The following NDUFAF7 variants were observed in gnomAD, a reference collection of about 807,000 sequenced individuals.
NDUFAF7 encodes protein arginine methyltransferase NDUFAF7, mitochondrial.
In NDUFAF7, 48 loss-of-function variants were observed where a neutral mutation model predicts 47.2. The observed-to-expected ratio is 1.02, with a 90% CI of 0.81 to 1.29. The LOEUF (loss-of-function observed/expected upper bound fraction) is 1.29, where lower values mean the gene tolerates loss of function less well. Ranked by LOEUF, NDUFAF7 falls within the 50% of genes most tolerant of loss-of-function variation. NDUFAF7 has a pLI of 0.00. For synonymous variants in NDUFAF7, 217 were observed against 190.0 expected, an observed-to-expected ratio of 1.14 and a Z score of -1.17; for missense variants, 635 against 537.6, an observed-to-expected ratio of 1.18 and a Z score of -1.79.
chr2:37,232,058 G>C, intron 1 of NDUFAF7, 48 bp from the exon 2 acceptor site: 1 of 1,613,988 alleles, frequency 6.2e-7, no homozygotes, highest in South Asian at 1.1e-5. Flanking sequence ...TTGCGCTCGT[G>C]AATGGTCAGA....
At chr2:37,246,028 CT>C in intron 7 of NDUFAF7, 23 bp from the exon 8 acceptor site, 3 of 1,612,758 alleles carry the variant, frequency 1.9e-6, no homozygotes, top group Non-Finnish European at 2.5e-6. Flanking sequence ...TGCATTTTGA[CT>C]CTTGCAATGA....
At chr2:37,246,852 C>G (rs1666971269) in intron 8 of NDUFAF7, among the ~76,000 whole-genome samples, 2 of 152,086 alleles carry the variant, frequency 1.3e-5, no homozygotes, top group Admixed American at 6.6e-5. Flanking sequence ...TGGTTAGGGT[C>G]AGTAATATAT....
chr2:37,246,961 A>C (rs1666988308), intron 8 of NDUFAF7, among the ~76,000 whole-genome samples: 1 of 151,866 alleles, frequency 6.6e-6, no homozygotes, highest in African/African-American at 2.4e-5. Flanking sequence ...TATTGCATTG[A>C]CTCTGAGGTT....
downstream of NDUFAF7, among the ~76,000 whole-genome samples, chr2:37,249,854 T>C (rs1184024101): frequency 1.3e-5 from 2 of 152,076 alleles, no homozygotes; most frequent in African/African-American, 2.4e-5. Context: ...CCTTGATGTC[T>C]TGAATTTACG....
At chr2:37,259,710 T>C in the NDUFAF7 span, 2 of 1,511,164 alleles carry the variant, frequency 1.3e-6, no homozygotes, top group Admixed American at 1.7e-5. Flanking sequence ...TTCTTTTCAA[T>C]GTCTGGAAAA....
downstream of NDUFAF7, chr2:37,253,255 A>G (rs779222232): frequency 6.8e-6 from 11 of 1,612,710 alleles, no homozygotes; most frequent in Non-Finnish European, 9.3e-6. Context: ...GTGTGTATGC[A>G]TGTATTTCCC....
the NDUFAF7 span, chr2:37,260,155 CTCT>C: frequency 7.1e-7 from 1 of 1,404,518 alleles, no homozygotes; most frequent in Non-Finnish European, 9.8e-7. Context: ...CAGAGTAAGA[CTCT>C]TGTCTTAAAA....
intron 5 of NDUFAF7, 76 bp downstream of exon 5, chr2:37,241,867 A>G (rs1666386515): frequency 7.7e-7 from 1 of 1,298,314 alleles, no homozygotes; most frequent in Admixed American, 1.9e-5. Flanking sequence ...GTAACTTTTT[A>G]CAGCAATATA....
chr2:37,266,708 G>GAAC, the NDUFAF7 span, among the ~76,000 whole-genome samples: 2 of 151,990 alleles, frequency 1.3e-5, no homozygotes, highest in Non-Finnish European at 2.9e-5. Flanking sequence ...GGCTGGTCCC[G>GAAC]AACTCCTAAC....
chr2:37,265,301 G>A, the NDUFAF7 span, among the ~76,000 whole-genome samples: 4 of 152,192 alleles, frequency 2.6e-5, no homozygotes, highest in Admixed American at 1.3e-4. Flanking sequence ...AAGTTTAGCT[G>A]TGATGCTCAC....
chr2:37,255,214 C>G (rs996715077), downstream of NDUFAF7, among the ~76,000 whole-genome samples: 1 of 152,188 alleles, frequency 6.6e-6, no homozygotes, highest in African/African-American at 2.4e-5. Flanking sequence ...TCTTCATTAC[C>G]AAGCAAACCT....
chr2:37,254,192 ATT>A, downstream of NDUFAF7: 1 of 1,554,808 alleles, frequency 6.4e-7, no homozygotes, highest in Non-Finnish European at 8.8e-7. Context: ...GAGAGATTAC[ATT>A]TTTTTTTACC....
intron 2 of NDUFAF7, among the ~76,000 whole-genome samples, chr2:37,235,469 G>T (rs1665653493): frequency 6.6e-6 from 1 of 152,020 alleles, no homozygotes; most frequent in South Asian, 2.1e-4. Flanking sequence ...GAGTAGGCAG[G>T]GTCTTGCTGT....
At position 37,241,714 on chromosome 2, in the gene NDUFAF7, C is replaced by A; in HGVS notation, c.545C>A (p.Ser182Tyr). 1 of 1,613,900 alleles carries A rather than the reference C, an allele frequency of 6.2e-7. No individual in the cohort carries two copies. The highest frequency in any genetic ancestry group is 8.5e-7 in the Non-Finnish European group (1 of 1,179,978). Residue 182 changes from serine to tyrosine, a missense_variant, in exon 5 of 10, where the codon TCC (serine) becomes TAC (tyrosine). Transcript: ENST00000002125. ...GTCCCGTTAGAGCGAAATGCTGGAT[C>A]CCCAGTGTATATGAAAGGTGTCACT... ...EKVPLERNAG[S>Y]PVYMKGVTKS...
In NDUFAF7 at chr2:37,248,528, G is replaced by T; in HGVS notation, c.*178G>T. 1 of 667,508 alleles carries T rather than the reference G, an allele frequency of 1.5e-6. No individual in the cohort carries two copies. The highest frequency in any genetic ancestry group is 2.6e-6 in the Non-Finnish European group (1 of 378,854). 41.3% of individuals were successfully genotyped at this position (667,508 alleles called of 1,614,324 possible). A position where few individuals can be genotyped will look rare whatever the true frequency, so the allele number is the denominator to read the frequency against. On this transcript the variant is annotated 3_prime_UTR_variant, in exon 10 of 10. Coordinates refer to ENST00000002125, the MANE Select transcript of NDUFAF7 (RefSeq NM_144736.5). ...AACTTTTAGGGTTGTGACTGGCTTT[G>T]GTGCAAATGTGTGCTCAAGCTAATA... is the stretch of plus-strand genomic sequence containing the variant.
downstream of NDUFAF7, chr2:37,251,188 A>G (rs936636551): frequency 6.6e-6 from 1 of 152,624 alleles, no homozygotes; most frequent in African/African-American, 2.4e-5. Flanking sequence ...AGGGAAAATA[A>G]CATTTCTAAA....
intron 5 of NDUFAF7, 49 bp downstream of exon 5, chr2:37,241,840 A>C: frequency 6.5e-7 from 1 of 1,533,456 alleles, no homozygotes; most frequent in Non-Finnish European, 9.0e-7. Flanking sequence ...CACAACCCTC[A>C]CAGTATTGAT....
At chr2:37,255,867 G>A (rs1667890614), downstream of NDUFAF7, among the ~76,000 whole-genome samples, 1 of 152,080 alleles carries the variant, frequency 6.6e-6, no homozygotes, top group Non-Finnish European at 1.5e-5. Flanking sequence ...TTAGCCAGGT[G>A]TGGGTGGCCC....
rs1479089142 is a variant in NDUFAF7, at chr2:37,246,213, A to T, written c.936+18A>T. 1.2e-6 allele frequency: 2 copies of T among 1,612,874 alleles called. No homozygotes were observed. Among genetic ancestry groups the T allele is most frequent in the Non-Finnish European group, 1.7e-6 (2 of 1,179,246 alleles). ...CCTTCAGAGTATGTATAATTCAGTA[A>T]CATGATTTATCAGAATTTCAGTGTT... On this transcript the variant is annotated intron_variant, in intron 8 of 9. Coordinates refer to ENST00000002125, the MANE Select transcript of NDUFAF7 (RefSeq NM_144736.5).
Sources: allele counts gnomAD v4.1 joint callset (sites outside exome capture counted in the v4.1 genomes callset), GRCh38; gene constraint gnomAD v4.1.1; transcripts MANE v1.5; gene names NCBI Gene and HGNC (gene_info 2026-07-23, HGNC 2026-07-21).